The following NKAIN2 variants were observed in gnomAD, a reference collection of about 807,000 sequenced individuals.
The protein encoded by NKAIN2 is sodium/potassium-transporting ATPase subunit beta-1-interacting protein 2.
NKAIN2 carries 14 observed loss-of-function variants against 32.6 expected under a neutral mutation model. That is an observed-to-expected ratio of 0.43 (90% confidence interval 0.28 to 0.67). The LOEUF is 0.67. NKAIN2 is among the 30% of genes least tolerant of loss of function. NKAIN2 has a pLI of 0.17. For missense variants in NKAIN2, 198 were observed against 258.3 expected, an observed-to-expected ratio of 0.77 and a Z score of 1.60; for synonymous variants, 80 against 87.2, an observed-to-expected ratio of 0.92 and a Z score of 0.46.
intron 1 of NKAIN2, among the ~76,000 whole-genome samples, chr6:123,880,118 A>T (rs1049182206): frequency 6.6e-6 from 1 of 152,188 alleles, no homozygotes; most frequent in Admixed American, 6.5e-5. Context: ...AGTCAGGGAG[A>T]GAAGAGCACG....
chr6:123,992,654 A>T (rs1357941335), intron 1 of NKAIN2, among the ~76,000 whole-genome samples: 1 of 152,240 alleles, frequency 6.6e-6, no homozygotes, highest in Non-Finnish European at 1.5e-5. Context: ...TACATAACAG[A>T]AATCACATTA....
intron 4 of NKAIN2, among the ~76,000 whole-genome samples, chr6:124,785,763 C>T (rs1779472023): frequency 6.6e-6 from 1 of 152,126 alleles, no homozygotes; most frequent in Admixed American, 6.6e-5. Flanking sequence ...TTCACTGATG[C>T]CATGGGGGTG....
intron 3 of NKAIN2, among the ~76,000 whole-genome samples, chr6:124,575,228 G>A (rs1192398648): frequency 6.6e-6 from 1 of 152,106 alleles, no homozygotes; most frequent in Non-Finnish European, 1.5e-5. Context: ...CTCAGCACTG[G>A]CAAGGTCTGT....
At chr6:123,816,059 G>T (rs992479900) in intron 1 of NKAIN2, among the ~76,000 whole-genome samples, 2 of 152,120 alleles carry the variant, frequency 1.3e-5, no homozygotes. Context: ...ACTAGTATAC[G>T]ATAGGGAGGA....
At chr6:124,315,370 T>C (rs976150660) in intron 2 of NKAIN2, among the ~76,000 whole-genome samples, 5 of 152,084 alleles carry the variant, frequency 3.3e-5, no homozygotes, top group South Asian at 2.1e-4. Flanking sequence ...TAGATATAAA[T>C]AGTTACAATG....
intron 4 of NKAIN2, among the ~76,000 whole-genome samples, chr6:124,726,795 G>A (rs1410793253): frequency 7.2e-6 from 1 of 139,144 alleles, no homozygotes; most frequent in East Asian, 2.1e-4. Flanking sequence ...AGGCAAAGAA[G>A]TTGAAAACTT....
intron 3 of NKAIN2, among the ~76,000 whole-genome samples, chr6:124,361,028 A>G (rs994399156): frequency 1.1e-4 from 16 of 152,094 alleles, no homozygotes; most frequent in African/African-American, 3.9e-4. Flanking sequence ...AAATAGAGAG[A>G]AATAAGAACT....
At chr6:124,546,094 C>T (rs1297959978) in intron 3 of NKAIN2, among the ~76,000 whole-genome samples, 6 of 152,102 alleles carry the variant, frequency 3.9e-5, no homozygotes, top group Non-Finnish European at 8.8e-5. Flanking sequence ...ATGTTGTTAT[C>T]GACAAAAAAT....
intron 3 of NKAIN2, among the ~76,000 whole-genome samples, chr6:124,469,832 C>T (rs1776903929): frequency 6.6e-6 from 1 of 152,092 alleles, no homozygotes; most frequent in South Asian, 2.1e-4. Context: ...CCTGCACTGG[C>T]CTGGAATTAC....
chr6:124,481,000 G>C (rs970795469), intron 3 of NKAIN2, among the ~76,000 whole-genome samples: 2 of 151,952 alleles, frequency 1.3e-5, no homozygotes, highest in Non-Finnish European at 2.9e-5. Flanking sequence ...GTTTACAAGA[G>C]GGCATCTCCA....
intron 4 of NKAIN2, among the ~76,000 whole-genome samples, chr6:124,724,554 A>C (rs1001634691): frequency 6.6e-6 from 1 of 152,206 alleles, no homozygotes; most frequent in African/African-American, 2.4e-5. Context: ...CAGGTAAGAT[A>C]CTCATCTACT....
At chr6:124,129,850 C>T (rs1422562912) in intron 1 of NKAIN2, among the ~76,000 whole-genome samples, 1 of 152,152 alleles carries the variant, frequency 6.6e-6, no homozygotes, top group African/African-American at 2.4e-5. Context: ...AACTCCTGAC[C>T]TCAGGTAATC....
intron 1 of NKAIN2, among the ~76,000 whole-genome samples, chr6:123,954,671 A>G (rs943079079): frequency 6.6e-6 from 1 of 152,190 alleles, no homozygotes; most frequent in Non-Finnish European, 1.5e-5. Flanking sequence ...AGGCATAAAG[A>G]GTAACTTTAT....
At chr6:124,338,163 G>C (rs1797960441) in intron 2 of NKAIN2, among the ~76,000 whole-genome samples, 2 of 152,172 alleles carry the variant, frequency 1.3e-5, no homozygotes, top group Admixed American at 6.5e-5. Context: ...GGTCAAAATG[G>C]TCATAAAAAT....
At chr6:124,319,091 G>A (rs1797072557) in intron 2 of NKAIN2, among the ~76,000 whole-genome samples, 1 of 152,018 alleles carries the variant, frequency 6.6e-6, no homozygotes, top group Non-Finnish European at 1.5e-5. Flanking sequence ...AGGATGCAAA[G>A]ATAAAGTTGC....
intron 4 of NKAIN2, among the ~76,000 whole-genome samples, chr6:124,765,875 G>C (rs1441933272): frequency 6.6e-6 from 1 of 152,188 alleles, no homozygotes; most frequent in Non-Finnish European, 1.5e-5. Flanking sequence ...GAACTGAGAG[G>C]AGGTTCTTAA....
chr6:124,807,942 TGAATCTCC>T (rs1366816884), intron 5 of NKAIN2, among the ~76,000 whole-genome samples: 7 of 148,910 alleles, frequency 4.7e-5, no homozygotes, highest in African/African-American at 1.5e-4. Flanking sequence ...AGGAAGAAGT[TGAATCTCC>T]GAATAGACCA....
chr6:124,162,894 G>A lies in NKAIN2; in HGVS notation c.55-120111G>A, dbSNP rs554795017. On this transcript the variant is annotated intron_variant, in intron 1 of 6. Transcript: ENST00000368417. ...CTTAGGCAAAGTTCTAATGCATGTGGATTTACTTTTTAAACAGGAATGTTC... is the reference window on the plus strand; with the variant it reads ...CTTAGGCAAAGTTCTAATGCATGTGAATTTACTTTTTAAACAGGAATGTTC... 3.3e-5 allele frequency among the ~76,000 whole-genome samples: 5 copies of A among 152,102 alleles called. No homozygotes were observed. In the East Asian group the frequency reaches 7.7e-4, roughly 24 times the overall value.
At chr6:124,365,906 G>A (rs1283310298) in intron 3 of NKAIN2, among the ~76,000 whole-genome samples, 3 of 152,004 alleles carry the variant, frequency 2.0e-5, no homozygotes, top group South Asian at 4.1e-4. Flanking sequence ...AGGTTGGAAT[G>A]GAGTTTAGAA....
Sources: allele counts gnomAD v4.1 joint callset (sites outside exome capture counted in the v4.1 genomes callset), GRCh38; gene constraint gnomAD v4.1.1; transcripts MANE v1.5; gene names NCBI Gene and HGNC (gene_info 2026-07-23, HGNC 2026-07-21).